The following FRMD5 variants were observed in gnomAD, a reference collection of about 807,000 sequenced individuals.
FRMD5 encodes FERM domain-containing protein 5.
In FRMD5, 20 loss-of-function variants were observed where a neutral mutation model predicts 69.0. The ratio of observed to expected loss-of-function variants is 0.29; its 90% confidence interval spans 0.20 to 0.42. The LOEUF is 0.42. FRMD5 is among the 10% of genes least tolerant of loss of function. The pLI is 1.00. For synonymous variants in FRMD5, 271 were observed against 260.1 expected, an observed-to-expected ratio of 1.04 and a Z score of -0.40; for missense variants, 595 against 708.6, an observed-to-expected ratio of 0.84 and a Z score of 1.82.
At chr15:44,031,953 C>T (rs958504368) in intron 1 of FRMD5, among the ~76,000 whole-genome samples, 2 of 151,932 alleles carry the variant, frequency 1.3e-5, no homozygotes, top group Non-Finnish European at 2.9e-5. Flanking sequence ...GAAAATAATT[C>T]CTGCAAGTCT....
intron 1 of FRMD5, among the ~76,000 whole-genome samples, chr15:43,972,854 G>C (rs555253511): frequency 1.9e-4 from 29 of 152,246 alleles, no homozygotes; most frequent in African/African-American, 7.0e-4. Flanking sequence ...CTTTCCGAAG[G>C]ATAAGAGATC....
intron 1 of FRMD5, among the ~76,000 whole-genome samples, chr15:44,074,242 G>A (rs1893663491): frequency 6.6e-6 from 1 of 152,140 alleles, no homozygotes; most frequent in Non-Finnish European, 1.5e-5. Flanking sequence ...GGGCCTGGAA[G>A]TTATTTTTAT....
intron 1 of FRMD5, among the ~76,000 whole-genome samples, chr15:43,999,839 A>G (rs926387139): frequency 8.9e-6 from 1 of 112,882 alleles, no homozygotes; most frequent in South Asian, 3.3e-4. Context: ...CACATATACA[A>G]TGGAATATCT....
chr15:44,146,911 C>T (rs892896835), intron 1 of FRMD5, among the ~76,000 whole-genome samples: 7 of 151,866 alleles, frequency 4.6e-5, no homozygotes, highest in African/African-American at 1.7e-4. Context: ...TGTCAGATTA[C>T]AAAAACTTTC....
Position 43,888,833 on chromosome 15 carries a change from G to A in FRMD5, c.768C>T (p.Phe256=), listed in dbSNP as rs1325460989. 6.2e-7 allele frequency: 1 copy of A among 1,613,966 alleles called. No homozygotes were observed. Among genetic ancestry groups the A allele is most frequent in the African/African-American group, 1.3e-5 (1 of 75,038 alleles). ...CCTCTTTCTGACTTACGTATAAATA[G>A]AAAGTCTTTCCTTCAAATTTCAGCT... ...VTKLKFEGKT[F]YLYVSQKEEK... Residue 256 remains phenylalanine, a synonymous_variant, in exon 9 of 14, where the codon TTC becomes TTT. Coordinates refer to ENST00000417257, the MANE Select transcript of FRMD5 (RefSeq NM_032892.5).
chr15:44,193,771 G>C (rs1254342882), intron 1 of FRMD5, among the ~76,000 whole-genome samples: 1 of 152,198 alleles, frequency 6.6e-6, no homozygotes, highest in Admixed American at 6.5e-5. Context: ...ACACTACCCA[G>C]TGTCTTTCTC....
chr15:43,912,906 G>A (rs1030059619), intron 4 of FRMD5, among the ~76,000 whole-genome samples: 7 of 151,374 alleles, frequency 4.6e-5, no homozygotes, highest in South Asian at 2.1e-4. Context: ...TGGTGTCGGC[G>A]TGTAATCCCA....
chr15:43,891,075 G>A (rs1344722548), intron 8 of FRMD5, among the ~76,000 whole-genome samples: 1 of 152,230 alleles, frequency 6.6e-6, no homozygotes, highest in Non-Finnish European at 1.5e-5. Flanking sequence ...TAAGCCCCTA[G>A]AAGGAGCTGG....
At chr15:43,903,485 C>T (rs1220198602) in intron 6 of FRMD5, among the ~76,000 whole-genome samples, 24 of 152,176 alleles carry the variant, frequency 1.6e-4, no homozygotes, top group Non-Finnish European at 1.5e-5. Context: ...CTCTCAAAAG[C>T]CCATATCACA....
At chr15:43,922,318 C>A (rs2089507817) in intron 2 of FRMD5, among the ~76,000 whole-genome samples, 1 of 152,198 alleles carries the variant, frequency 6.6e-6, no homozygotes, top group Non-Finnish European at 1.5e-5. Context: ...TAGGGATACT[C>A]ATCTCATTTT....
intron 1 of FRMD5, among the ~76,000 whole-genome samples, chr15:43,991,778 T>A (rs1473300172): frequency 6.6e-6 from 1 of 152,214 alleles, no homozygotes; most frequent in African/African-American, 2.4e-5. Context: ...ATTCTCCTGT[T>A]TTCTCAACTC....
At chr15:44,024,862 T>C (rs1891361495) in intron 1 of FRMD5, among the ~76,000 whole-genome samples, 1 of 152,216 alleles carries the variant, frequency 6.6e-6, no homozygotes, top group South Asian at 2.1e-4. Context: ...AGATTATACA[T>C]TCAGTAAAAG....
In FRMD5 at chr15:44,060,077, CAGAT is replaced by C. The variant is rs1490005904; in HGVS notation, c.102+134872_102+134875del. On this transcript the variant is annotated intron_variant, in intron 1 of 13. Coordinates refer to ENST00000417257, the MANE Select transcript of FRMD5 (RefSeq NM_032892.5). The stretch of plus-strand genomic sequence containing the variant: ...CAAGAAGGTAAGTGGAGAGAGCTGT[CAGAT>C]AGAACAGAGATTAGAAGCAGAAGCA... Among the ~76,000 whole-genome samples, 3 of 152,238 alleles carry C rather than the reference CAGAT, an allele frequency of 2.0e-5. No individual in the cohort carries two copies. The East Asian group carries it at 5.8e-4, about 29-fold the overall frequency.
chr15:44,182,083 T>C (rs2078012093), intron 1 of FRMD5, among the ~76,000 whole-genome samples: 1 of 151,560 alleles, frequency 6.6e-6, no homozygotes, highest in South Asian at 2.1e-4. Context: ...CGATCTCGGC[T>C]CACTGCAACC....
intron 1 of FRMD5, among the ~76,000 whole-genome samples, chr15:44,057,798 A>G (rs1214045452): frequency 6.6e-6 from 1 of 152,208 alleles, no homozygotes; most frequent in Non-Finnish European, 1.5e-5. Context: ...ATTCTGTAAA[A>G]TGGGATAGGA....
At chr15:43,891,939 G>C (rs758483534) in intron 8 of FRMD5, 42 bp downstream of exon 8, 1 of 1,535,748 alleles carries the variant, frequency 6.5e-7, no homozygotes, top group East Asian at 2.3e-5. Flanking sequence ...CTCCCCAGTT[G>C]GTGAGATATA....
At chr15:44,028,380 C>T (rs1891532723) in intron 1 of FRMD5, among the ~76,000 whole-genome samples, 1 of 152,156 alleles carries the variant, frequency 6.6e-6, no homozygotes, top group Admixed American at 6.5e-5. Flanking sequence ...CTGATTTCCT[C>T]AGCCTGGAGA....
intron 1 of FRMD5, among the ~76,000 whole-genome samples, chr15:44,096,662 C>CA (rs754738990): frequency 1.3e-5 from 2 of 152,252 alleles, no homozygotes; most frequent in East Asian, 3.9e-4. Context: ...CTCAGCTTCC[C>CA]AAAGTGCTGG....
intron 1 of FRMD5, among the ~76,000 whole-genome samples, chr15:44,038,916 G>A (rs917574325): frequency 6.6e-6 from 1 of 152,120 alleles, no homozygotes; most frequent in African/African-American, 2.4e-5. Flanking sequence ...CCATAGAGCC[G>A]AGCAAGCTAA....
Sources: allele counts gnomAD v4.1 joint callset (sites outside exome capture counted in the v4.1 genomes callset), GRCh38; gene constraint gnomAD v4.1.1; transcripts MANE v1.5; gene names NCBI Gene and HGNC (gene_info 2026-07-23, HGNC 2026-07-21).